Variants in PIP4P2 observed in about 807,000 individuals in gnomAD.
PIP4P2 encodes phosphatidylinositol-4,5-bisphosphate 4-phosphatase 2.
PIP4P2 carries 19 observed loss-of-function variants against 33.3 expected under a neutral mutation model. The ratio of observed to expected loss-of-function variants is 0.57; its 90% CI spans 0.40 to 0.84. PIP4P2 has a LOEUF of 0.84. Among genes scored for constraint, PIP4P2 ranks in the 40% least tolerant of loss-of-function variants. The pLI is 0.00. For missense variants in PIP4P2, 270 were observed against 324.7 expected (o/e 0.83, Z 1.29); for synonymous variants, 110 against 111.9 (o/e 0.98, Z 0.11).
rs746854849 is a variant in PIP4P2, at chr8:91,021,245, T to A, written c.255+11A>T. 1.1e-5 allele frequency: 17 copies of A among 1,611,818 alleles called. No homozygotes were observed. The highest frequency in any genetic ancestry group is 1.4e-5 in the Non-Finnish European group (17 of 1,178,692). On this transcript the variant is annotated intron_variant, in intron 2 of 6. Coordinates refer to ENST00000285419, the MANE Select transcript of PIP4P2 (RefSeq NM_018710.3). ...CAATTTATATTTTTTCTAATGGAAA[T>A]CTCCACTTACCGTAGCTTCATTGCA...
intron 1 of PIP4P2, chr8:91,024,317 T>A (rs1404151658): frequency 2.3e-6 from 1 of 441,482 alleles, no homozygotes; most frequent in Admixed American, 2.4e-5. Flanking sequence ...TGTAGCTCCA[T>A]CTCCTCTTAT....
At chr8:91,021,130 GAA>G in intron 2 of PIP4P2, 124 bp downstream of exon 2, 1 of 1,126,924 alleles carries the variant, frequency 8.9e-7, no homozygotes, top group Non-Finnish European at 1.2e-6. Flanking sequence ...GAAAAGACAG[GAA>G]AAAAGATTAC....
chr8:91,000,413 T>C (rs1037822170), intron 5 of PIP4P2, among the ~76,000 whole-genome samples: 2 of 146,312 alleles, frequency 1.4e-5, no homozygotes, highest in Non-Finnish European at 3.1e-5. Context: ...TTTTTTTTTT[T>C]AGTAAGGGTA....
Position 91,018,445 on chromosome 8 carries a change from G to A in PIP4P2, c.431C>T (p.Pro144Leu). The A allele has an allele frequency of 1.2e-6, 2 of 1,614,022 alleles. No homozygotes were observed. The highest frequency in any genetic ancestry group is 1.7e-6 in the Non-Finnish European group (2 of 1,179,942). ...SEEQPAQPALPIQPEGTRVVC... is the reference protein window; with the variant it reads ...SEEQPAQPALLIQPEGTRVVC... The stretch of plus-strand genomic sequence containing the variant: ...GACCCTTGTACCTTCTGGTTGGATT[G>A]GCAATGCAGGCTGAGCTGGTTGTTC... Residue 144 changes from proline to leucine, a missense_variant, in exon 4 of 7, where the codon CCA becomes CTA. Coordinates refer to ENST00000285419, the MANE Select transcript of PIP4P2 (RefSeq NM_018710.3).
At chr8:91,014,699 A>C (rs1811888769) in intron 4 of PIP4P2, among the ~76,000 whole-genome samples, 1 of 151,094 alleles carries the variant, frequency 6.6e-6, no homozygotes, top group Non-Finnish European at 1.5e-5. Context: ...AGTTACCAAT[A>C]TTGTATTATA....
At chr8:91,014,047 T>C (rs1011040491) in intron 4 of PIP4P2, among the ~76,000 whole-genome samples, 1 of 152,098 alleles carries the variant, frequency 6.6e-6, no homozygotes, top group African/African-American at 2.4e-5. Flanking sequence ...ACTAAAATAA[T>C]AGTAATTGAA....
chr8:91,036,024 A>T (rs1022977994), intron 1 of PIP4P2, among the ~76,000 whole-genome samples: 4 of 151,968 alleles, frequency 2.6e-5, no homozygotes, highest in Non-Finnish European at 5.9e-5. Context: ...GAAAAAAAAA[A>T]CAAAACCAAA....
chr8:90,996,036 C>A (rs1252080775), intron 6 of PIP4P2, among the ~76,000 whole-genome samples: 1 of 152,082 alleles, frequency 6.6e-6, no homozygotes, highest in Non-Finnish European at 1.5e-5. Flanking sequence ...CAAAAAAGCA[C>A]ACTAAACTAT....
intron 1 of PIP4P2, among the ~76,000 whole-genome samples, chr8:91,028,152 A>G (rs1448309662): frequency 6.6e-6 from 1 of 152,228 alleles, no homozygotes; most frequent in East Asian, 1.9e-4. Flanking sequence ...GGCAGTGGCT[A>G]ATTGAAATTA....
intron 1 of PIP4P2, among the ~76,000 whole-genome samples, chr8:91,023,425 C>T (rs989069024): frequency 2.0e-5 from 3 of 151,900 alleles, no homozygotes; most frequent in Admixed American, 2.0e-4. Context: ...GGACACCAAC[C>T]CATACACTCC....
chr8:91,018,249 G>C, intron 4 of PIP4P2, 141 bp downstream of exon 4: 1 of 1,333,084 alleles, frequency 7.5e-7, no homozygotes, highest in Non-Finnish European at 1.0e-6. Flanking sequence ...TTGCACTTCT[G>C]ATTGTCTGCC....
At position 91,016,102 on chromosome 8, in the gene PIP4P2, G is replaced by A. The variant is rs540275905; in HGVS notation, c.486+2288C>T. 9.2e-5 allele frequency among the ~76,000 whole-genome samples: 14 copies of A among 152,204 alleles called. No homozygotes were observed. The South Asian group carries it at 1.0e-3, about 11-fold the overall frequency. The stretch of plus-strand genomic sequence containing the variant: ...AGTTACTATTTACTCCTAATTAGAC[G>A]GAGACGAAAGTCTTTGAAGAGGAAC... On this transcript the variant is annotated intron_variant, in intron 4 of 6. Transcript: ENST00000285419.
chr8:91,033,579 T>A (rs868359494), intron 1 of PIP4P2, among the ~76,000 whole-genome samples: 2 of 152,254 alleles, frequency 1.3e-5, no homozygotes, highest in South Asian at 2.1e-4. Flanking sequence ...GTGATTTTTT[T>A]AAAAAGTAAA....
chr8:91,038,546 T>G (rs7016813), intron 1 of PIP4P2, among the ~76,000 whole-genome samples: 91,862 of 151,922 alleles, frequency 0.6, 28,482 homozygotes, highest in Middle Eastern at 0.72. Context: ...TACAATATAG[T>G]CTTCATGAGG....
chr8:91,002,899 T>C (rs1269118687), intron 5 of PIP4P2, among the ~76,000 whole-genome samples: 1 of 152,122 alleles, frequency 6.6e-6, no homozygotes. Context: ...TTGTTGGGGC[T>C]AGGAAATAAC....
At chr8:90,997,930 T>C (rs904483172) in intron 5 of PIP4P2, among the ~76,000 whole-genome samples, 1 of 152,114 alleles carries the variant, frequency 6.6e-6, no homozygotes, top group African/African-American at 2.4e-5. Flanking sequence ...TTTGCAAATA[T>C]ACATCGTAAA....
At chr8:90,996,897 C>T (rs546614171) in intron 5 of PIP4P2, among the ~76,000 whole-genome samples, 153 bp from the exon 6 acceptor site, 1 of 152,086 alleles carries the variant, frequency 6.6e-6, no homozygotes, top group African/African-American at 2.4e-5. Flanking sequence ...TTAAACATGT[C>T]ATTTTTAATG....
chr8:91,030,316 T>C (rs947810593), intron 1 of PIP4P2, among the ~76,000 whole-genome samples: 5 of 152,104 alleles, frequency 3.3e-5, no homozygotes, highest in Admixed American at 1.3e-4. Flanking sequence ...GTATAGATAG[T>C]AATAGATCTT....
At chr8:91,033,155 T>C (rs1338158503) in intron 1 of PIP4P2, among the ~76,000 whole-genome samples, 1 of 152,200 alleles carries the variant, frequency 6.6e-6, no homozygotes, top group Non-Finnish European at 1.5e-5. Flanking sequence ...TGAATGAAAT[T>C]TGCTCTCCAA....
Sources: gnomAD v4.1 joint callset for allele counts (sites outside exome capture counted in the v4.1 genomes callset) on GRCh38, gnomAD v4.1.1 for gene constraint, MANE v1.5 for transcripts, NCBI Gene and HGNC (gene_info 2026-07-23, HGNC 2026-07-21) for gene names.